Variants in BLNK observed in about 807,000 individuals in gnomAD.
BLNK encodes B-cell linker protein.
In BLNK, 29 loss-of-function variants were observed where a neutral mutation model predicts 73.5. That is an observed-to-expected ratio of 0.39 (90% CI 0.29 to 0.54). The LOEUF is 0.54. Ranked by LOEUF, BLNK falls within the 20% of genes least tolerant of loss-of-function variation. The pLI is 0.61. For missense variants in BLNK, 460 were observed against 562.8 expected (o/e 0.82, Z 1.85); for synonymous variants, 176 against 200.8 (o/e 0.88, Z 1.04).
chr10:96,215,201 C>T (rs1293029228), intron 8 of BLNK, 120 bp downstream of exon 8: 1 of 1,111,244 alleles, frequency 9.0e-7, no homozygotes, highest in East Asian at 2.5e-5. Context: ...AGGATGAGGA[C>T]TGGCCTTCTG....
chr10:96,268,473 A>G (rs1301379049), intron 1 of BLNK, among the ~76,000 whole-genome samples: 1 of 152,038 alleles, frequency 6.6e-6, no homozygotes, highest in Non-Finnish European at 1.5e-5. Flanking sequence ...ATGGACTCCT[A>G]CTGACAGAGA....
intron 5 of BLNK, among the ~76,000 whole-genome samples, chr10:96,225,771 T>C (rs1842231166): frequency 6.6e-6 from 1 of 152,050 alleles, no homozygotes; most frequent in Non-Finnish European, 1.5e-5. Context: ...GCCTCCCTAG[T>C]AGCTGGGATT....
chr10:96,211,214 C>CTGCT (rs2083940469), intron 8 of BLNK, among the ~76,000 whole-genome samples: 1 of 152,152 alleles, frequency 6.6e-6, no homozygotes, highest in Non-Finnish European at 1.5e-5. Flanking sequence ...CAGGCTGGAC[C>CTGCT]TGCTGCCCTC....
chr10:96,223,836 A>C lies in BLNK; in HGVS notation c.515T>G (p.Leu172Arg). The C allele has an allele frequency of 1.2e-6, 2 of 1,613,746 alleles. No individual in the cohort carries two copies. The highest frequency in any genetic ancestry group is 2.2e-5 in the South Asian group (2 of 91,054). Residue 172 changes from leucine (L) to arginine (R), a missense_variant, in exon 6 of 17, where the codon CTT becomes CGT. Physicochemically the swap from Leu to Arg is moderately radical, Grantham distance 102. Coordinates refer to ENST00000224337, the MANE Select transcript of BLNK (RefSeq NM_013314.4). ...PQVPPKPKGL[L>R]EDEADYVVPV... is the part of the protein sequence containing the mutation. ...ACAGATTTACTTTACCTCATCCTCA[A>C]GGAGGCCTTTGGGTTTGGGTGGGAC... is the stretch of plus-strand genomic sequence containing the variant.
At chr10:96,220,090 CA>C (rs1421194515) in intron 6 of BLNK, among the ~76,000 whole-genome samples, 1 of 152,202 alleles carries the variant, frequency 6.6e-6, no homozygotes, top group East Asian at 1.9e-4. Flanking sequence ...CTGATCAAAC[CA>C]ATCTGTGGAC....
In BLNK at chr10:96,228,753, A is replaced by G. The variant is rs587647919; in HGVS notation, c.205-1187T>C. Among the ~76,000 whole-genome samples the G allele has an allele frequency of 7.9e-5, 12 of 152,342 alleles. No homozygotes were observed. The South Asian group carries it at 1.7e-3, about 21-fold the overall frequency. ...TAGTTTATGTATATACCGTTTGTAC[A>G]TATATTCATGTGGAGGAAATATTTG... is the stretch of plus-strand genomic sequence containing the variant. On this transcript the variant is annotated intron_variant, in intron 4 of 16. Coordinates refer to ENST00000224337, the MANE Select transcript of BLNK (RefSeq NM_013314.4).
chr10:96,250,437 GAAGAGAGAAAGAGA>G (rs1220601960), intron 1 of BLNK, among the ~76,000 whole-genome samples: 1 of 110,492 alleles, frequency 9.1e-6, no homozygotes, highest in Non-Finnish European at 2.1e-5. Flanking sequence ...AGAGAGAGAG[GAAGAGAGAAAGAGA>G]GAGAGAGAGA....
intron 9 of BLNK, among the ~76,000 whole-genome samples, chr10:96,209,358 G>C (rs1286335737): frequency 6.6e-6 from 1 of 151,750 alleles, no homozygotes; most frequent in Non-Finnish European, 1.5e-5. Flanking sequence ...CTTCACAGGA[G>C]GAAATACTTC....
At chr10:96,229,078 G>A (rs932909324) in intron 4 of BLNK, among the ~76,000 whole-genome samples, 2 of 152,134 alleles carry the variant, frequency 1.3e-5, no homozygotes, top group Non-Finnish European at 2.9e-5. Flanking sequence ...TTTTGTGTGT[G>A]TTATAAACAT....
Position 96,263,443 on chromosome 10 carries a change from T to C in BLNK, c.47+7909A>G, listed in dbSNP as rs547888395. Among the ~76,000 whole-genome samples the C allele has an allele frequency of 4.6e-5, 7 of 152,376 alleles. No individual in the cohort carries two copies. In the South Asian group the frequency reaches 1.4e-3, roughly 32 times the overall value. ...TGTGGCTCAGCAAACAGTCACCACA[T>C]GTCCCTCAAGCTGGCTTCTTTGTCT... On this transcript the variant is annotated intron_variant, in intron 1 of 16. Transcript: ENST00000224337.
chr10:96,218,136 A>G (rs1248592020), intron 6 of BLNK, among the ~76,000 whole-genome samples: 1 of 152,228 alleles, frequency 6.6e-6, no homozygotes, highest in Non-Finnish European at 1.5e-5. Context: ...GAGAGATTTT[A>G]TATTGACAAG....
At position 96,190,833 on chromosome 10, in the gene BLNK, T is replaced by C. The variant is rs2083316238; in HGVS notation, c.*1140A>G. Among the ~76,000 whole-genome samples, 1 of 152,236 alleles carries C rather than the reference T, an allele frequency of 6.6e-6. No individual in the cohort carries two copies. Among genetic ancestry groups the C allele is most frequent in the Non-Finnish European group, 1.5e-5 (1 of 68,038 alleles). On this transcript the variant is annotated 3_prime_UTR_variant, in exon 17 of 17. Transcript: ENST00000224337. ...CCTGATTCTCCACGATGGTATCTCT[T>C]TTATTCCTTGGTGTTCACCAATGTC...
At chr10:96,259,495 A>C (rs1260979739) in intron 1 of BLNK, among the ~76,000 whole-genome samples, 1 of 152,090 alleles carries the variant, frequency 6.6e-6, no homozygotes, top group Non-Finnish European at 1.5e-5. Flanking sequence ...GGACGCCACC[A>C]TAATCCATGC....
chr10:96,203,338 T>C (rs2083701740), intron 13 of BLNK, among the ~76,000 whole-genome samples: 2 of 152,330 alleles, frequency 1.3e-5, no homozygotes, highest in South Asian at 4.1e-4. Flanking sequence ...TGAATATTAT[T>C]AAAAATTTAA....
In BLNK at chr10:96,223,274, G is replaced by A. The variant is rs926441777; in HGVS notation, c.525+552C>T. On this transcript the variant is annotated intron_variant, in intron 6 of 16. Transcript: ENST00000224337. ...ACAAAGGAAGAATCAGGGGAGAAGGGACAAAAGACCCCGGAAGTGTGCTAG... is the reference window on the plus strand; with the variant it reads ...ACAAAGGAAGAATCAGGGGAGAAGGAACAAAAGACCCCGGAAGTGTGCTAG... Among the ~76,000 whole-genome samples, 4 of 152,138 alleles carry A rather than the reference G, an allele frequency of 2.6e-5. No individual in the cohort carries two copies. The South Asian group carries it at 8.3e-4, about 32-fold the overall frequency.
At chr10:96,220,522 C>A (rs1330141042) in intron 6 of BLNK, among the ~76,000 whole-genome samples, 3 of 152,148 alleles carry the variant, frequency 2.0e-5, no homozygotes, top group African/African-American at 7.2e-5. Context: ...AATGCTTTAA[C>A]GTTGTTATTG....
At chr10:96,216,999 C>T (rs906139025) in intron 6 of BLNK, among the ~76,000 whole-genome samples, 3 of 152,158 alleles carry the variant, frequency 2.0e-5, no homozygotes, top group African/African-American at 2.4e-5. Flanking sequence ...TTGACCTAGT[C>T]GACCACAAAT....
chr10:96,189,175 G>A lies in BLNK; in HGVS notation c.*2798C>T, dbSNP rs1296280245. On this transcript the variant is annotated 3_prime_UTR_variant, in exon 17 of 17. Coordinates refer to ENST00000224337, the MANE Select transcript of BLNK (RefSeq NM_013314.4). Reference sequence around the variant, plus strand: ...TATTTAAAACCAAGCAAAGGGTGAAGTTCCATCTTTAATAATGAAACAGGC... The same window carrying A: ...TATTTAAAACCAAGCAAAGGGTGAAATTCCATCTTTAATAATGAAACAGGC... Among the ~76,000 whole-genome samples the A allele has an allele frequency of 2.6e-5, 4 of 152,178 alleles. No individual in the cohort carries two copies. The highest frequency in any genetic ancestry group is 1.3e-4 in the Admixed American group (2 of 15,264).
At chr10:96,256,101 G>T (rs1843495691) in intron 1 of BLNK, among the ~76,000 whole-genome samples, 2 of 152,202 alleles carry the variant, frequency 1.3e-5, no homozygotes, top group African/African-American at 4.8e-5. Flanking sequence ...GGAGGCTGAG[G>T]AGGGTGGATC....
Sources: gnomAD v4.1 joint callset for allele counts (sites outside exome capture counted in the v4.1 genomes callset) on GRCh38, gnomAD v4.1.1 for gene constraint, MANE v1.5 for transcripts, NCBI Gene and HGNC (gene_info 2026-07-23, HGNC 2026-07-21) for gene names.